Variants in KEL observed in about 807,000 individuals in gnomAD.
KEL encodes kell blood group glycoprotein.
A neutral mutation model predicts 99.5 loss-of-function variants in KEL; 96 were observed. The ratio of observed to expected loss-of-function variants is 0.97; its 90% CI spans 0.82 to 1.14. KEL has a LOEUF of 1.14. Ranked by LOEUF, KEL falls within the 50% of genes most tolerant of loss-of-function variation. The probability of loss-of-function intolerance (pLI) is 0.00; values close to 1 mark genes in which losing one functional copy is unlikely to be tolerated. For synonymous variants in KEL, 355 were observed against 354.8 expected, an observed-to-expected ratio of 1.00 and a Z score of -0.01; for missense variants, 926 against 924.2, an observed-to-expected ratio of 1.00 and a Z score of -0.03.
At chr7:142,948,577 G>A (rs375382973) in intron 10 of KEL, among the ~76,000 whole-genome samples, 9 of 152,212 alleles carry the variant, frequency 5.9e-5, no homozygotes, top group Admixed American at 1.3e-4. Flanking sequence ...ATTGTGGAAC[G>A]AATCATTAAA....
At position 142,941,175 on chromosome 7, in the gene KEL, T is replaced by A; in HGVS notation, c.*77A>T. ...TTTTGGAACAGAAGCAGAAAGGAAA[T>A]CTTGCTCTGATTCCATGGATGTGAC... On this transcript the variant is annotated 3_prime_UTR_variant, in exon 19 of 19. Coordinates refer to ENST00000355265, the MANE Select transcript of KEL (RefSeq NM_000420.3). 1 of 1,512,592 alleles carries A rather than the reference T, an allele frequency of 6.6e-7. No homozygotes were observed. The highest frequency in any genetic ancestry group is 9.2e-7 in the Non-Finnish European group (1 of 1,088,352). 93.7% of individuals were successfully genotyped at this position (1,512,592 alleles called of 1,614,324 possible).
Position 142,954,303 on chromosome 7 carries a change from G to C in KEL, c.805C>G (p.Gln269Glu). The C allele has an allele frequency of 2.5e-6, 4 of 1,614,064 alleles. No individual in the cohort carries two copies. In the Middle Eastern group the frequency reaches 4.9e-4, roughly 200 times the overall value. ...GAGATTGACAAGGAAGAGTGTTCTT[G>C]CACCTTGCTTGGGTCTCCTCCCAGC... ...TLLGGDPSKV[Q>E]EHSSLSISIT... Residue 269 changes from glutamine (Q) to glutamate (E), a missense_variant, in exon 8 of 19, where the codon CAA (glutamine) becomes GAA (glutamate). Gln to Glu is a conservative substitution (Grantham distance 29, BLOSUM62 2). Transcript: ENST00000355265.
intron 10 of KEL, among the ~76,000 whole-genome samples, chr7:142,951,975 T>C (rs960676588): frequency 6.6e-6 from 1 of 152,032 alleles, no homozygotes; most frequent in Non-Finnish European, 1.5e-5. Context: ...CTCTGGTTAG[T>C]GAAGTGCATT....
Position 142,962,263 on chromosome 7 carries a change from G to C in KEL, c.-57C>G. ...CTGGTTCCACTCTAGGAGCTGATTC[G>C]GAGGACTGGGGTCCAGGAAACACCC... On this transcript the variant is annotated 5_prime_UTR_variant, in exon 1 of 19. Coordinates refer to ENST00000355265, the MANE Select transcript of KEL (RefSeq NM_000420.3). 6.2e-7 allele frequency: 1 copy of C among 1,605,206 alleles called. No individual in the cohort carries two copies. The highest frequency in any genetic ancestry group is 8.5e-7 in the Non-Finnish European group (1 of 1,171,878).
Position 142,948,899 on chromosome 7 carries a change from G to GACACACAC in KEL, c.1204-2590_1204-2583dup, listed in dbSNP as rs72104159. 5.3e-3 allele frequency among the ~76,000 whole-genome samples: 751 copies of GACACACAC among 142,266 alleles called. 10 individuals carry two copies. The highest frequency in any genetic ancestry group is 0.016 in the African/African-American group (631 of 39,160). The allele number at this position is 142,266 out of a possible 152,430, so 93.3% of individuals were successfully genotyped here. Reference sequence around the variant, plus strand: ...AGCCCAGTGTTTCCCAAGCTTCACAGACACACACACACACACACACACACA... The same window carrying GACACACAC: ...AGCCCAGTGTTTCCCAAGCTTCACAGACACACACACACACACACACACACACACACACA... On this transcript the variant is annotated intron_variant, in intron 10 of 18. Transcript: ENST00000355265.
In KEL at chr7:142,961,360, G is replaced by A. The variant is rs537228922; in HGVS notation, c.223C>T (p.Arg75Cys). The change falls in exon 3 of 19, where the codon CGC becomes TGC. Residue 75 changes from arginine to cysteine, a missense_variant and splice_region_variant. Transcript: ENST00000355265. Reference protein sequence around the residue: ...LFYNFQNCGPRPCETSVCLDL... With the variant: ...LFYNFQNCGPCPCETSVCLDL... ...TTAGGGGGTCTGGGATCTTGCTTAC[G>A]AGGGCCACAGTTCTGGAAGTTGTAG... The A allele has an allele frequency of 2.5e-6, 4 of 1,613,152 alleles. No individual in the cohort carries two copies. Among genetic ancestry groups the A allele is most frequent in the East Asian group, 4.5e-5 (2 of 44,868 alleles).
At chr7:142,951,414 C>A (rs1195163600) in intron 10 of KEL, among the ~76,000 whole-genome samples, 1 of 152,140 alleles carries the variant, frequency 6.6e-6, no homozygotes, top group Non-Finnish European at 1.5e-5. Context: ...ACTCTCCAAC[C>A]CAAGTGATGT....
At chr7:142,941,552 A>C in intron 18 of KEL, 139 bp from the exon 19 acceptor site, 2 of 735,074 alleles carry the variant, frequency 2.7e-6, no homozygotes, top group South Asian at 3.8e-5. Context: ...AGCATTTGAA[A>C]TGTATAGTTC....
chr7:142,944,639 T>C lies in KEL; in HGVS notation c.1413+4A>G, dbSNP rs1177638176. Reference sequence around the variant, plus strand: ...CCCACACCAGCCAGGACGCCTGGCCTGACCTTGTCCTGGGCCATGTTCTGG... The same window carrying C: ...CCCACACCAGCCAGGACGCCTGGCCCGACCTTGTCCTGGGCCATGTTCTGG... On this transcript the variant is annotated splice_donor_region_variant and intron_variant, in intron 12 of 18. Transcript: ENST00000355265. The C allele has an allele frequency of 6.2e-7, 1 of 1,611,450 alleles. No homozygotes were observed. The highest frequency in any genetic ancestry group is 1.3e-5 in the African/African-American group (1 of 74,978).
chr7:142,954,494 G>T lies in KEL; in HGVS notation c.706C>A (p.Gln236Lys). 1.2e-6 allele frequency: 2 copies of T among 1,614,088 alleles called. No individual in the cohort carries two copies. The highest frequency in any genetic ancestry group is 1.7e-6 in the Non-Finnish European group (2 of 1,179,980). Residue 236 changes from glutamine (Q) to lysine (K), a missense_variant, in exon 7 of 19, where the codon CAA becomes AAA. Physicochemically the swap from Gln to Lys is moderately conservative, Grantham distance 53. Transcript: ENST00000355265. ...GCATAGATCTTCTGTTCTTGATCTT[G>T]CTTGAGGGGAACATCAAACTCTGGC... is the stretch of plus-strand genomic sequence containing the variant. ...DQPEFDVPLKQDQEQKIYAQI... is the reference protein window; with the variant it reads ...DQPEFDVPLKKDQEQKIYAQI...
intron 10 of KEL, among the ~76,000 whole-genome samples, chr7:142,950,119 A>G (rs925374081): frequency 1.3e-5 from 2 of 152,160 alleles, no homozygotes; most frequent in African/African-American, 4.8e-5. Flanking sequence ...CTTTGATTCC[A>G]TTCTCCTTCT....
chr7:142,951,309 T>G (rs1796681490), intron 10 of KEL, among the ~76,000 whole-genome samples: 1 of 152,222 alleles, frequency 6.6e-6, no homozygotes, highest in African/African-American at 2.4e-5. Flanking sequence ...AGCTGTTTGT[T>G]GCCAGGATTT....
intron 1 of KEL, 32 bp downstream of exon 1, chr7:142,962,172 C>T (rs752060923): frequency 1.6e-5 from 26 of 1,613,980 alleles, no homozygotes; most frequent in South Asian, 9.9e-5. Flanking sequence ...CACCCCTCCC[C>T]GCTAAGCCTC....
chr7:142,951,734 T>C (rs1419872326), intron 10 of KEL, among the ~76,000 whole-genome samples: 1 of 152,170 alleles, frequency 6.6e-6, no homozygotes, highest in Non-Finnish European at 1.5e-5. Context: ...CTTCTCTGAA[T>C]TCCACAGCAA....
chr7:142,945,958 C>T, intron 11 of KEL: 1 of 568,924 alleles, frequency 1.8e-6, no homozygotes, highest in Non-Finnish European at 3.1e-6. Context: ...TGAAGAAACA[C>T]AAGACCAGGA....
intron 6 of KEL, 91 bp downstream of exon 6, chr7:142,957,736 C>T: frequency 2.0e-6 from 3 of 1,527,282 alleles, no homozygotes; most frequent in Non-Finnish European, 9.1e-7. Context: ...GGTGTCCTCT[C>T]TTCCCAACCT....
At chr7:142,953,212 C>T in intron 9 of KEL, 1 of 300,232 alleles carries the variant, frequency 3.3e-6, no homozygotes, top group Non-Finnish European at 4.9e-6. Flanking sequence ...AGGCAGAGAG[C>T]CCAACAAAGA....
intron 17 of KEL, among the ~76,000 whole-genome samples, 166 bp from the exon 18 acceptor site, chr7:142,942,695 C>T (rs1416581346): frequency 2.0e-5 from 3 of 152,188 alleles, no homozygotes; most frequent in African/African-American, 7.2e-5. Context: ...TATAGATGTC[C>T]TAAAATGGAG....
intron 11 of KEL, chr7:142,946,004 G>A: frequency 1.7e-6 from 1 of 599,802 alleles, no homozygotes. Flanking sequence ...AGCATGTCAT[G>A]GAGAATTTGT....
Sources: gnomAD v4.1 joint callset for allele counts (sites outside exome capture counted in the v4.1 genomes callset) on GRCh38, gnomAD v4.1.1 for gene constraint, MANE v1.5 for transcripts, NCBI Gene and HGNC (gene_info 2026-07-23, HGNC 2026-07-21) for gene names.